The following CAMK1D variants were observed in gnomAD, a reference collection of about 807,000 sequenced individuals.
CAMK1D encodes the protein calcium/calmodulin-dependent protein kinase type 1D.
Under a neutral mutation model 47.7 loss-of-function variants are expected in CAMK1D, and 9 were observed. The ratio of observed to expected loss-of-function variants is 0.19; its 90% CI spans 0.11 to 0.33. The LOEUF is 0.33. Among genes scored for constraint, CAMK1D ranks in the 10% least tolerant of loss-of-function variants. The pLI, the probability that CAMK1D is intolerant of heterozygous loss-of-function variation, is 1.00. For missense variants in CAMK1D, 291 were observed against 488.7 expected, an observed-to-expected ratio of 0.60 and a Z score of 3.81; for synonymous variants, 184 against 184.9, an observed-to-expected ratio of 0.99 and a Z score of 0.04.
chr10:12,659,093 C>G (rs1458103679), intron 2 of CAMK1D, among the ~76,000 whole-genome samples: 1 of 152,140 alleles, frequency 6.6e-6, no homozygotes. Context: ...ACAGCCTGCC[C>G]GTCTGCATGC....
chr10:12,395,652 C>T lies in CAMK1D; in HGVS notation c.92+45742C>T, dbSNP rs145969604. 9.8e-3 allele frequency among the ~76,000 whole-genome samples: 1,486 copies of T among 152,068 alleles called. 7 individuals are homozygous for T. The highest frequency in any genetic ancestry group is 0.015 in the Non-Finnish European group (1,011 of 67,980). On this transcript the variant is annotated intron_variant, in intron 1 of 10. Transcript: ENST00000619168. Reference sequence around the variant, plus strand: ...TTTTTCGGCCAGGCGAAGTGGGTCACGCCTGTAATCCCAGCATTCTGGGAG... The same window carrying T: ...TTTTTCGGCCAGGCGAAGTGGGTCATGCCTGTAATCCCAGCATTCTGGGAG...
At chr10:12,825,822 G>T (rs896833922) in intron 10 of CAMK1D, 132 bp downstream of exon 10, 30 of 1,470,582 alleles carry the variant, frequency 2.0e-5, no homozygotes, top group Non-Finnish European at 2.5e-5. Context: ...CATGTCATGC[G>T]ACCCTAGGAC....
chr10:12,604,211 C>G, intron 2 of CAMK1D, among the ~76,000 whole-genome samples: 1 of 152,286 alleles, frequency 6.6e-6, no homozygotes, highest in East Asian at 1.9e-4. Flanking sequence ...CCAACCAAGC[C>G]TGTGCCTGGT....
At chr10:12,394,243 G>A (rs1838854372) in intron 1 of CAMK1D, among the ~76,000 whole-genome samples, 1 of 152,092 alleles carries the variant, frequency 6.6e-6, no homozygotes, top group South Asian at 2.1e-4. Context: ...GAGGTAGCAG[G>A]GGAGCGTGCC....
At chr10:12,612,705 G>C (rs1471795379) in intron 2 of CAMK1D, among the ~76,000 whole-genome samples, 2 of 152,146 alleles carry the variant, frequency 1.3e-5, no homozygotes, top group African/African-American at 4.8e-5. Flanking sequence ...GGACAGGTCA[G>C]TCTTCTTCTT....
chr10:12,386,485 A>G (rs1838498950), intron 1 of CAMK1D, among the ~76,000 whole-genome samples: 1 of 152,148 alleles, frequency 6.6e-6, no homozygotes, highest in African/African-American at 2.4e-5. Context: ...AAAAAAAAAA[A>G]ATGAAACTGC....
chr10:12,801,229 C>T (rs991535467), intron 6 of CAMK1D, among the ~76,000 whole-genome samples: 6 of 104,960 alleles, frequency 5.7e-5, no homozygotes, highest in Middle Eastern at 3.8e-3. Context: ...TAGTATCCAT[C>T]CATCCATCCA....
chr10:12,728,483 C>T (rs745391801), intron 3 of CAMK1D, among the ~76,000 whole-genome samples: 6 of 152,144 alleles, frequency 3.9e-5, no homozygotes, highest in Non-Finnish European at 7.3e-5. Context: ...GCACTGGCAT[C>T]GAGAGCAGTG....
intron 2 of CAMK1D, among the ~76,000 whole-genome samples, chr10:12,561,914 T>C (rs1367380548): frequency 1.3e-5 from 2 of 152,196 alleles, no homozygotes; most frequent in African/African-American, 4.8e-5. Context: ...ATTGAAACTA[T>C]CTTGAGTAGG....
intron 1 of CAMK1D, among the ~76,000 whole-genome samples, chr10:12,515,416 T>C (rs60316031): frequency 2.2e-3 from 205 of 91,440 alleles, no homozygotes; most frequent in Admixed American, 5.3e-3. Context: ...TTTTTTTTTT[T>C]TCTTTTTTTT....
chr10:12,564,775 T>C (rs746881012), intron 2 of CAMK1D, among the ~76,000 whole-genome samples: 3 of 152,356 alleles, frequency 2.0e-5, no homozygotes, highest in African/African-American at 4.8e-5. Context: ...AAAGGGTATC[T>C]TTTAAGAAAT....
At chr10:12,429,794 G>A (rs999897251) in intron 1 of CAMK1D, among the ~76,000 whole-genome samples, 1 of 152,190 alleles carries the variant, frequency 6.6e-6, no homozygotes, top group African/African-American at 2.4e-5. Flanking sequence ...TGTGGGAGAT[G>A]GGCCCAGGGA....
chr10:12,810,110 C>G (rs1832538013), intron 6 of CAMK1D, among the ~76,000 whole-genome samples: 2 of 137,856 alleles, frequency 1.5e-5, no homozygotes, highest in Admixed American at 8.1e-5. Flanking sequence ...GATTGCACCT[C>G]TGCATTCCAG....
chr10:12,496,071 C>T (rs1027776061), intron 1 of CAMK1D, among the ~76,000 whole-genome samples: 7 of 152,072 alleles, frequency 4.6e-5, no homozygotes, highest in Non-Finnish European at 4.4e-5. Context: ...TCAAGCAATC[C>T]TCCTGCCTCG....
chr10:12,372,984 C>A (rs1298300728), intron 1 of CAMK1D, among the ~76,000 whole-genome samples: 3 of 152,140 alleles, frequency 2.0e-5, no homozygotes, highest in Non-Finnish European at 2.9e-5. Context: ...GAGCTGGTAA[C>A]GGAATTGTTT....
At chr10:12,627,364 C>T (rs1283715937) in intron 2 of CAMK1D, among the ~76,000 whole-genome samples, 1 of 152,014 alleles carries the variant, frequency 6.6e-6, no homozygotes, top group Non-Finnish European at 1.5e-5. Context: ...GGATTACAGG[C>T]GTGAGCCACT....
chr10:12,564,157 C>CTG lies in CAMK1D; in HGVS notation c.224+10802_224+10803insGT, dbSNP rs1564414947. Among the ~76,000 whole-genome samples the CTG allele has an allele frequency of 4.9e-4, 62 of 126,256 alleles. 1 individual carries two copies. The East Asian group carries it at 5.2e-3, about 11-fold the overall frequency. 82.8% of individuals were successfully genotyped at this position (126,256 alleles called of 152,430 possible). On this transcript the variant is annotated intron_variant, in intron 2 of 10. Transcript: ENST00000619168. ...TCTCTCTCTCTCTCTGTCTCTCTCT[C>CTG]TCTCTCTCTCTCTCTCTCTCTCTCA...
chr10:12,627,846 G>A (rs996492811), intron 2 of CAMK1D, among the ~76,000 whole-genome samples: 4 of 152,134 alleles, frequency 2.6e-5, no homozygotes, highest in Non-Finnish European at 4.4e-5. Context: ...TTGGGAGGCC[G>A]AGGCAGGCAG....
intron 5 of CAMK1D, 132 bp from the exon 6 acceptor site, chr10:12,791,025 TA>T: frequency 1.4e-6 from 1 of 698,694 alleles, no homozygotes; most frequent in Non-Finnish European, 2.4e-6. Flanking sequence ...AGCCAACACA[TA>T]AAATGGGTTA....
Sources: gnomAD v4.1 joint callset for allele counts (sites outside exome capture counted in the v4.1 genomes callset) on GRCh38, gnomAD v4.1.1 for gene constraint, MANE v1.5 for transcripts, NCBI Gene and HGNC (gene_info 2026-07-23, HGNC 2026-07-21) for gene names.